The following NUP210L variants were observed in gnomAD, a reference collection of about 807,000 sequenced individuals.
NUP210L encodes nuclear pore membrane glycoprotein 210-like.
NUP210L carries 74 observed loss-of-function variants against 208.5 expected under a neutral mutation model. The ratio of observed to expected loss-of-function variants is 0.35; its 90% CI spans 0.29 to 0.43. The LOEUF (loss-of-function observed/expected upper bound fraction) is 0.43. Ranked by LOEUF, NUP210L falls within the 20% of genes least tolerant of loss-of-function variation. NUP210L has a pLI of 1.00. For missense variants in NUP210L, 1,843 were observed against 2,289.4 expected, an observed-to-expected ratio of 0.81 and a Z score of 3.98; for synonymous variants, 780 against 816.9, an observed-to-expected ratio of 0.95 and a Z score of 0.77.
At chr1:154,140,143 G>C (rs1658765437) in intron 4 of NUP210L, among the ~76,000 whole-genome samples, 191 bp from the exon 5 acceptor site, 1 of 151,994 alleles carries the variant, frequency 6.6e-6, no homozygotes, top group Non-Finnish European at 1.5e-5. Context: ...TTGAGGTCAG[G>C]AATTTGAGAC....
chr1:153,994,859 A>G (rs921688786), intron 38 of NUP210L, among the ~76,000 whole-genome samples: 6 of 151,748 alleles, frequency 4.0e-5, no homozygotes, highest in Non-Finnish European at 7.4e-5. Context: ...TAAAAATACA[A>G]AAATTAGTCG....
intron 8 of NUP210L, among the ~76,000 whole-genome samples, chr1:154,129,002 G>T (rs574497631): frequency 6.6e-6 from 1 of 152,120 alleles, no homozygotes; most frequent in Admixed American, 6.6e-5. Flanking sequence ...GCCTATGAGC[G>T]TTAAGATTCT....
intron 37 of NUP210L, chr1:153,995,548 A>G: frequency 1.5e-6 from 1 of 665,626 alleles, no homozygotes; most frequent in Non-Finnish European, 2.8e-6. Flanking sequence ...TTAGATTTCA[A>G]AGGATGCTTT....
chr1:154,078,231 C>A (rs948201477), intron 16 of NUP210L, among the ~76,000 whole-genome samples: 1 of 151,402 alleles, frequency 6.6e-6, no homozygotes, highest in African/African-American at 2.4e-5. Context: ...GTGGGAGGAT[C>A]CTTTGAGCTG....
At chr1:154,134,270 T>C (rs1658404272) in intron 7 of NUP210L, among the ~76,000 whole-genome samples, 1 of 152,074 alleles carries the variant, frequency 6.6e-6, no homozygotes, top group Middle Eastern at 3.4e-3. Context: ...ATATAATAGA[T>C]ATTTGCTGAA....
intron 6 of NUP210L, among the ~76,000 whole-genome samples, chr1:154,137,390 A>C (rs1477250229): frequency 1.3e-5 from 2 of 152,022 alleles, no homozygotes; most frequent in African/African-American, 4.8e-5. Context: ...GTCTCTACTA[A>C]AAATACAAAA....
At chr1:154,080,301 A>G (rs1217038705) in intron 16 of NUP210L, among the ~76,000 whole-genome samples, 2 of 151,878 alleles carry the variant, frequency 1.3e-5, no homozygotes, top group African/African-American at 2.4e-5. Context: ...CGGAGGTTGC[A>G]GTGAACCAAG....
chr1:154,119,860 G>A (rs1657522489), intron 10 of NUP210L, among the ~76,000 whole-genome samples: 2 of 152,294 alleles, frequency 1.3e-5, no homozygotes, highest in South Asian at 4.1e-4. Flanking sequence ...ACATACGTGT[G>A]CATGTGTCTT....
At chr1:154,130,156 T>C (rs543564306) in intron 7 of NUP210L, among the ~76,000 whole-genome samples, 32 of 151,910 alleles carry the variant, frequency 2.1e-4, no homozygotes, top group Non-Finnish European at 3.8e-4. Context: ...CTGACCAACA[T>C]GGTGAAACCC....
intron 16 of NUP210L, among the ~76,000 whole-genome samples, chr1:154,081,948 C>T (rs895816854): frequency 2.6e-5 from 4 of 152,170 alleles, no homozygotes; most frequent in Non-Finnish European, 5.9e-5. Flanking sequence ...CGCCATTGCA[C>T]TCAGCCTGGG....
chr1:154,020,083 A>C (rs1341024976), intron 32 of NUP210L, among the ~76,000 whole-genome samples: 2 of 152,196 alleles, frequency 1.3e-5, no homozygotes, highest in Non-Finnish European at 2.9e-5. Flanking sequence ...GTTGTTTGCA[A>C]ATCAGCTGTT....
chr1:154,113,730 T>C (rs1003351554), intron 12 of NUP210L, among the ~76,000 whole-genome samples: 13 of 149,646 alleles, frequency 8.7e-5, no homozygotes, highest in Middle Eastern at 3.5e-3. Flanking sequence ...TGGTGGCACG[T>C]GCCTGTAATT....
intron 8 of NUP210L, among the ~76,000 whole-genome samples, chr1:154,128,294 T>C (rs924916085): frequency 6.6e-6 from 1 of 151,928 alleles, no homozygotes; most frequent in African/African-American, 2.4e-5. Flanking sequence ...GAGACCAGCC[T>C]GGGCAACACG....
rs115246288 is a variant in NUP210L at position 153,993,592 on chromosome 1, G to A, written c.5492-503C>T. On this transcript the variant is annotated intron_variant, in intron 38 of 39. Coordinates refer to ENST00000368559, the Ensembl canonical transcript of NUP210L. ...GAAAAAAAAAAAAAAGTGGGGAAAT[G>A]GAGTAGACAATAGTGTTGTGTTAAT... Among the ~76,000 whole-genome samples the A allele has an allele frequency of 2.4e-3, 365 of 149,930 alleles. 3 individuals are homozygous for A. The highest frequency in any genetic ancestry group is 8.4e-3 in the African/African-American group (344 of 40,834).
chr1:154,125,550 A>C (rs370488351), intron 10 of NUP210L, among the ~76,000 whole-genome samples: 7 of 149,042 alleles, frequency 4.7e-5, no homozygotes, highest in African/African-American at 1.7e-4. Context: ...TGAGCCTGGG[A>C]GGTCCAGGCT....
At chr1:154,069,543 A>G (rs959801392) in intron 17 of NUP210L, among the ~76,000 whole-genome samples, 1 of 152,204 alleles carries the variant, frequency 6.6e-6, no homozygotes, top group Non-Finnish European at 1.5e-5. Flanking sequence ...AAAAGTCAGG[A>G]AACAACAGAT....
At chr1:154,045,051 C>G (rs1202389715) in intron 27 of NUP210L, among the ~76,000 whole-genome samples, 1 of 152,054 alleles carries the variant, frequency 6.6e-6, no homozygotes, top group African/African-American at 2.4e-5. Context: ...TTGGGAGGAG[C>G]CAATACCACC....
At chr1:154,072,392 G>A (rs1184785501) in intron 16 of NUP210L, among the ~76,000 whole-genome samples, 1 of 143,160 alleles carries the variant, frequency 7.0e-6, no homozygotes, top group African/African-American at 2.6e-5. Flanking sequence ...GAGTGCAGTG[G>A]TGAGATCTCG....
intron 13 of NUP210L, among the ~76,000 whole-genome samples, chr1:154,102,383 T>A (rs955453678): frequency 1.3e-5 from 2 of 152,116 alleles, no homozygotes; most frequent in African/African-American, 4.8e-5. Context: ...TGAAGCGCCA[T>A]CTGATAGCCA....
Sources: allele counts gnomAD v4.1 joint callset (sites outside exome capture counted in the v4.1 genomes callset), GRCh38; gene constraint gnomAD v4.1.1; transcripts MANE v1.5; gene names NCBI Gene and HGNC (gene_info 2026-07-23, HGNC 2026-07-21).